The following TANC2 variants were observed in gnomAD, a reference collection of about 807,000 sequenced individuals.
The protein encoded by TANC2 is tetratricopeptide repeat, ankyrin repeat and coiled-coil containing 2, also known as protein TANC2.
A neutral mutation model predicts 210.5 loss-of-function variants in TANC2; 26 were observed. That is an observed-to-expected ratio of 0.12 (90% CI 0.09 to 0.17). The LOEUF (loss-of-function observed/expected upper bound fraction) is 0.17. Among genes scored for constraint, TANC2 ranks in the 10% least tolerant of loss-of-function variants. The pLI, the probability that TANC2 is intolerant of heterozygous loss-of-function variation, is 1.00. For synonymous variants in TANC2, 931 were observed against 967.1 expected, an observed-to-expected ratio of 0.96 and a Z score of 0.69; for missense variants, 2,129 against 2,608.9, an observed-to-expected ratio of 0.82 and a Z score of 4.01.
chr17:63,030,454 T>C (rs1479407202), intron 2 of TANC2, among the ~76,000 whole-genome samples: 1 of 152,116 alleles, frequency 6.6e-6, no homozygotes, highest in Non-Finnish European at 1.5e-5. Flanking sequence ...CTTACATAGC[T>C]GCAAGAGGAC....
At chr17:63,401,203 T>G (rs1171389948) in intron 19 of TANC2, among the ~76,000 whole-genome samples, 1 of 152,132 alleles carries the variant, frequency 6.6e-6, no homozygotes, top group Non-Finnish European at 1.5e-5. Flanking sequence ...CTATACATAT[T>G]TTCACATACA....
chr17:63,205,344 C>CAAAAAAAAAAAAAAAAAAAA (rs1158768609), intron 7 of TANC2, among the ~76,000 whole-genome samples: 2 of 8,070 alleles, frequency 2.5e-4, no homozygotes, highest in Non-Finnish European at 4.8e-4. Context: ...ACCAAGGAGG[C>CAAAAAAAAAAAAAAAAAAAA]AAAAAAAAAA....
intron 7 of TANC2, among the ~76,000 whole-genome samples, chr17:63,208,258 A>G (rs1035810987): frequency 6.6e-6 from 1 of 152,194 alleles, no homozygotes; most frequent in Admixed American, 6.5e-5. Flanking sequence ...TTCTATACAA[A>G]TAACTAGTTC....
chr17:63,065,881 A>G (rs183510455), intron 2 of TANC2, among the ~76,000 whole-genome samples: 183 of 152,156 alleles, frequency 1.2e-3, no homozygotes, highest in Non-Finnish European at 6.6e-4. Flanking sequence ...TTTGCTGTGC[A>G]GAAGGTTTTT....
At chr17:63,246,042 C>T (rs1371928170) in intron 8 of TANC2, among the ~76,000 whole-genome samples, 1 of 151,462 alleles carries the variant, frequency 6.6e-6, no homozygotes, top group African/African-American at 2.4e-5. Flanking sequence ...GTATGTAGGC[C>T]TGTTGTCTCT....
chr17:63,269,616 G>T (rs892503495), intron 9 of TANC2, among the ~76,000 whole-genome samples: 3 of 152,092 alleles, frequency 2.0e-5, no homozygotes, highest in Admixed American at 6.6e-5. Flanking sequence ...AAAATTATTT[G>T]ACAGATTTCA....
chr17:63,410,343 C>A (rs1056733020), intron 21 of TANC2, among the ~76,000 whole-genome samples: 5 of 140,150 alleles, frequency 3.6e-5, no homozygotes, highest in African/African-American at 8.5e-5. Context: ...CCAATCCCCC[C>A]CCCCCATCTC....
At chr17:63,064,768 A>G (rs2036134376) in intron 2 of TANC2, among the ~76,000 whole-genome samples, 1 of 152,158 alleles carries the variant, frequency 6.6e-6, no homozygotes, top group African/African-American at 2.4e-5. Flanking sequence ...ATTTAAAAAT[A>G]AAAGTATATA....
At chr17:63,151,885 A>C (rs974270640) in intron 5 of TANC2, 2 of 152,210 alleles carry the variant, frequency 1.3e-5, no homozygotes, top group African/African-American at 4.8e-5. Context: ...TAGGTTTCCG[A>C]GATGGACTCC....
chr17:63,016,076 A>G (rs556997454), intron 2 of TANC2, among the ~76,000 whole-genome samples: 11 of 152,340 alleles, frequency 7.2e-5, no homozygotes, highest in African/African-American at 2.6e-4. Context: ...TGTGGAAGGC[A>G]GGAGATAGAG....
chr17:63,209,069 A>G (rs190907797), intron 7 of TANC2, among the ~76,000 whole-genome samples: 4 of 151,854 alleles, frequency 2.6e-5, no homozygotes, highest in Non-Finnish European at 4.4e-5. Flanking sequence ...GCAGTGTTGC[A>G]ATCTTAGCTC....
intron 5 of TANC2, among the ~76,000 whole-genome samples, chr17:63,190,124 C>T (rs2041133777): frequency 6.6e-6 from 1 of 152,006 alleles, no homozygotes; most frequent in African/African-American, 2.4e-5. Flanking sequence ...TGCTTAAGCC[C>T]AGGAGTTCAA....
intron 5 of TANC2, among the ~76,000 whole-genome samples, chr17:63,169,092 G>A (rs2040311508): frequency 6.6e-6 from 1 of 152,140 alleles, no homozygotes; most frequent in East Asian, 1.9e-4. Context: ...TGGAGAAATG[G>A]TCATCAAATG....
intron 7 of TANC2, among the ~76,000 whole-genome samples, chr17:63,225,108 C>T (rs10506520): frequency 6.6e-6 from 1 of 152,100 alleles, no homozygotes; most frequent in Non-Finnish European, 1.5e-5. Flanking sequence ...TTAATTTCAT[C>T]TCCCTCTCAC....
chr17:63,163,564 A>G (rs2040101851), intron 5 of TANC2, among the ~76,000 whole-genome samples: 1 of 152,198 alleles, frequency 6.6e-6, no homozygotes, highest in South Asian at 2.1e-4. Context: ...CTTACTATAT[A>G]CTATTATACA....
At chr17:62,976,432 G>A (rs996766193) in intron 1 of TANC2, among the ~76,000 whole-genome samples, 5 of 150,320 alleles carry the variant, frequency 3.3e-5, no homozygotes, top group African/African-American at 1.2e-4. Flanking sequence ...CAGTCAAGGT[G>A]GACTGCTTGG....
At chr17:63,401,440 T>C (rs555949054) in intron 19 of TANC2, among the ~76,000 whole-genome samples, 1 of 152,330 alleles carries the variant, frequency 6.6e-6, no homozygotes, top group East Asian at 1.9e-4. Flanking sequence ...CTGACACAAT[T>C]CTTTATTATC....
chr17:63,067,331 A>G (rs1424881714), intron 2 of TANC2, among the ~76,000 whole-genome samples: 1 of 152,306 alleles, frequency 6.6e-6, no homozygotes, highest in African/African-American at 2.4e-5. Context: ...CAACTATTAT[A>G]AAAATGCTTC....
At chr17:63,253,554 T>C (rs1449006678) in intron 8 of TANC2, among the ~76,000 whole-genome samples, 1 of 152,226 alleles carries the variant, frequency 6.6e-6, no homozygotes, top group African/African-American at 2.4e-5. Context: ...TGTTTTACTT[T>C]AACAGTTTCA....
Sources: allele counts gnomAD v4.1 joint callset (sites outside exome capture counted in the v4.1 genomes callset), GRCh38; gene constraint gnomAD v4.1.1; transcripts MANE v1.5; gene names NCBI Gene and HGNC (gene_info 2026-07-23, HGNC 2026-07-21).